Variants in PDS5A observed in about 807,000 individuals in gnomAD.
PDS5A encodes sister chromatid cohesion protein PDS5 homolog A.
A neutral mutation model predicts 167.1 loss-of-function variants in PDS5A; 42 were observed. The observed-to-expected ratio is 0.25, with a 90% CI of 0.20 to 0.33. The LOEUF (loss-of-function observed/expected upper bound fraction) is 0.33. PDS5A is among the 10% of genes least tolerant of loss of function. The pLI is 1.00. For missense variants in PDS5A, 1,033 were observed against 1,605.9 expected, an observed-to-expected ratio of 0.64 and a Z score of 6.10; for synonymous variants, 553 against 554.6, an observed-to-expected ratio of 1.00 and a Z score of 0.04.
At chr4:39,898,669 T>C in intron 15 of PDS5A, 108 bp downstream of exon 15, 1 of 934,582 alleles carries the variant, frequency 1.1e-6, no homozygotes, top group Non-Finnish European at 1.6e-6. Context: ...AAAATTAAGA[T>C]AAAGATTATT....
chr4:39,907,832 C>T (rs1248184493), intron 11 of PDS5A, among the ~76,000 whole-genome samples: 10 of 152,054 alleles, frequency 6.6e-5, no homozygotes, highest in Non-Finnish European at 1.5e-4. Context: ...GTGATCCGCC[C>T]GCCTCGGCCT....
intron 2 of PDS5A, among the ~76,000 whole-genome samples, chr4:39,947,889 G>A (rs1039337830): frequency 1.3e-5 from 2 of 152,116 alleles, no homozygotes; most frequent in African/African-American, 2.4e-5. Context: ...GCTGCAATGA[G>A]AACCAAACTT....
At chr4:39,844,829 A>G (rs1280687658) in intron 29 of PDS5A, 28 bp from the exon 30 acceptor site, 1 of 1,586,154 alleles carries the variant, frequency 6.3e-7, no homozygotes, top group Non-Finnish European at 8.5e-7. Flanking sequence ...AAACCCCCCA[A>G]AAACACACAC....
intron 2 of PDS5A, chr4:39,932,948 A>T (rs1726221059): frequency 6.6e-6 from 1 of 151,046 alleles, no homozygotes; most frequent in Non-Finnish European, 1.5e-5. Context: ...AGCGTGGATC[A>T]CATGAGGTCA....
chr4:39,869,326 G>T, intron 22 of PDS5A, 68 bp downstream of exon 22: 1 of 938,780 alleles, frequency 1.1e-6, no homozygotes, highest in African/African-American at 1.6e-5. Flanking sequence ...TTTTTTAAAG[G>T]TGAGGAAGAT....
At chr4:39,916,634 G>A (rs949287013) in intron 8 of PDS5A, among the ~76,000 whole-genome samples, 11 of 152,082 alleles carry the variant, frequency 7.2e-5, no homozygotes, top group African/African-American at 1.7e-4. Flanking sequence ...TTGGGCAGCC[G>A]AGGTGGGCAG....
chr4:39,937,095 A>G lies in PDS5A; in HGVS notation c.139-8931T>C, dbSNP rs188320812. Among the ~76,000 whole-genome samples, 432 of 152,326 alleles carry G rather than the reference A, an allele frequency of 2.8e-3. 8 individuals are homozygous for G. The highest frequency in any genetic ancestry group is 0.026 in the Admixed American group (401 of 15,298). On this transcript the variant is annotated intron_variant, in intron 2 of 32. Transcript: ENST00000303538. ...CTGAGCTTTAGTGTTCACAGGATTCACTGGGCTTTATGACGCAGGCATGAA... is the reference window on the plus strand; with the variant it reads ...CTGAGCTTTAGTGTTCACAGGATTCGCTGGGCTTTATGACGCAGGCATGAA...
At position 39,898,491 on chromosome 4, in the gene PDS5A, C is replaced by A; in HGVS notation, c.1668G>T (p.Val556=). ...CGCCGAGAACCTGGTTAAATTTCTT[C>A]ACAAAATCTTGTGCTTTCCCGGGGT... The part of the protein sequence containing the change: ...LPDPGKAQDF[V]KKFNQVLGDD... The change falls in exon 16 of 33, where the codon GTG becomes GTT. Residue 556 remains valine (V), a synonymous_variant. Coordinates refer to ENST00000303538, the MANE Select transcript of PDS5A (RefSeq NM_001100399.2). 6.3e-7 allele frequency: 1 copy of A among 1,599,120 alleles called. No homozygotes were observed. The highest frequency in any genetic ancestry group is 1.7e-5 in the Admixed American group (1 of 58,490).
At chr4:39,880,735 C>T (rs1274277726) in intron 17 of PDS5A, among the ~76,000 whole-genome samples, 3 of 152,038 alleles carry the variant, frequency 2.0e-5, no homozygotes, top group African/African-American at 7.2e-5. Flanking sequence ...ACATATAATG[C>T]ATGGTGATCA....
At chr4:39,861,938 A>C (rs1719038022) in intron 26 of PDS5A, among the ~76,000 whole-genome samples, 1 of 152,166 alleles carries the variant, frequency 6.6e-6, no homozygotes, top group Non-Finnish European at 1.5e-5. Flanking sequence ...TCTCAATATA[A>C]ATAGTAAAAA....
intron 2 of PDS5A, among the ~76,000 whole-genome samples, chr4:39,940,518 A>G (rs765978623): frequency 1.3e-5 from 2 of 152,216 alleles, no homozygotes; most frequent in African/African-American, 2.4e-5. Flanking sequence ...GATACATAAG[A>G]ATCTCAGGTT....
intron 19 of PDS5A, 129 bp downstream of exon 19, chr4:39,876,862 CAG>C (rs1720501074): frequency 3.3e-6 from 2 of 598,970 alleles, no homozygotes; most frequent in Non-Finnish European, 5.6e-6. Context: ...GAGGAGGACA[CAG>C]AAAAGTAGCT....
At chr4:39,942,394 T>A (rs1410204889) in intron 2 of PDS5A, among the ~76,000 whole-genome samples, 3 of 152,146 alleles carry the variant, frequency 2.0e-5, no homozygotes, top group African/African-American at 7.2e-5. Context: ...AATACATACC[T>A]ACCCTACCCA....
chr4:39,883,176 C>A (rs1721105655), intron 17 of PDS5A, among the ~76,000 whole-genome samples: 1 of 152,064 alleles, frequency 6.6e-6, no homozygotes, highest in African/African-American at 2.4e-5. Context: ...TTTCAACTAG[C>A]ATCTTTTTTT....
At chr4:39,916,074 C>T (rs1191977978) in intron 8 of PDS5A, among the ~76,000 whole-genome samples, 1 of 151,796 alleles carries the variant, frequency 6.6e-6, no homozygotes, top group Non-Finnish European at 1.5e-5. Flanking sequence ...CTCAAACAAA[C>T]AAACAAGCAA....
chr4:39,922,557 T>C (rs555769113), intron 6 of PDS5A, 65 bp downstream of exon 6: 4 of 1,351,180 alleles, frequency 3.0e-6, no homozygotes, highest in African/African-American at 1.5e-5. Flanking sequence ...ATAAAACAAC[T>C]GTTCATTCTT....
intron 2 of PDS5A, among the ~76,000 whole-genome samples, chr4:39,971,212 GCA>G (rs1209538093): frequency 4.6e-5 from 7 of 152,148 alleles, no homozygotes; most frequent in Non-Finnish European, 1.0e-4. Flanking sequence ...AGGCTGGAGT[GCA>G]GTGGTGGGAT....
chr4:39,867,537 C>A lies in PDS5A; in HGVS notation c.2506-540G>T, dbSNP rs1290842527. On this transcript the variant is annotated intron_variant, in intron 22 of 32. Coordinates refer to ENST00000303538, the MANE Select transcript of PDS5A (RefSeq NM_001100399.2). ...GTGAAACCGTGTCTATACTAAAAAACCCCGTCTCTACTAAAAAAAAAAAAA... is the reference window on the plus strand; with the variant it reads ...GTGAAACCGTGTCTATACTAAAAAAACCCGTCTCTACTAAAAAAAAAAAAA... 7.8e-5 allele frequency among the ~76,000 whole-genome samples: 11 copies of A among 141,856 alleles called. No individual in the cohort carries two copies. The East Asian group carries it at 2.1e-3, about 27-fold the overall frequency. 93.1% of individuals were successfully genotyped at this position (141,856 alleles called of 152,430 possible).
chr4:39,956,805 C>T (rs1195030177), intron 2 of PDS5A, among the ~76,000 whole-genome samples: 1 of 151,694 alleles, frequency 6.6e-6, no homozygotes, highest in Admixed American at 6.6e-5. Flanking sequence ...CCAGAGTGGG[C>T]AGGACTATAG....
Sources: gnomAD v4.1 joint callset for allele counts (sites outside exome capture counted in the v4.1 genomes callset) on GRCh38, gnomAD v4.1.1 for gene constraint, MANE v1.5 for transcripts, NCBI Gene and HGNC (gene_info 2026-07-23, HGNC 2026-07-21) for gene names.